The following ATG4B variants were observed in gnomAD, a reference collection of about 807,000 sequenced individuals.
ATG4B encodes the protein cysteine protease ATG4B.
A neutral mutation model predicts 56.6 loss-of-function variants in ATG4B; 29 were observed. The observed-to-expected ratio is 0.51, with a 90% CI of 0.38 to 0.70. The LOEUF (loss-of-function observed/expected upper bound fraction) is 0.70, where lower values mean the gene tolerates loss of function less well. ATG4B is among the 30% of genes least tolerant of loss of function. The pLI, the probability that ATG4B is intolerant of heterozygous loss-of-function variation, is 0.00. For synonymous variants in ATG4B, 224 were observed against 206.1 expected, an observed-to-expected ratio of 1.09 and a Z score of -0.74; for missense variants, 461 against 515.5, an observed-to-expected ratio of 0.89 and a Z score of 1.02.
chr2:241,651,426 C>G lies in ATG4B; in HGVS notation c.184+91C>G, dbSNP rs1418278097. 3.0e-6 allele frequency: 3 copies of G among 987,406 alleles called. No individual in the cohort carries two copies. The highest frequency in any genetic ancestry group is 1.6e-5 in the African/African-American group (1 of 61,246). The allele number at this position is 987,406 out of a possible 1,614,324, so 61.2% of individuals were successfully genotyped here. A position where few individuals can be genotyped will look rare whatever the true frequency, so the allele number is the denominator to read the frequency against. On this transcript the variant is annotated intron_variant, in intron 3 of 12. Coordinates refer to ENST00000404914, the MANE Select transcript of ATG4B (RefSeq NM_013325.5). The surrounding 1 kb of genome is among the most constrained non-coding windows in gnomAD (Gnocchi z 4.1). ...TTGTAGATTTGACTTCAATATGCCA[C>G]TGACTTCATTTGAATCTTCACAGCA...
chr2:241,671,307 A>G lies in ATG4B; in HGVS notation c.1015-5A>G, dbSNP rs775301424. Reference sequence around the variant, plus strand: ...CTGCACCTAACGGCCATGTCTCACTAACAGCTGTCTCTGCTTGGAGGTGCC... The same window carrying G: ...CTGCACCTAACGGCCATGTCTCACTGACAGCTGTCTCTGCTTGGAGGTGCC... On this transcript the variant is annotated splice_region_variant and splice_polypyrimidine_tract_variant and intron_variant, in intron 11 of 12. Coordinates refer to ENST00000404914, the MANE Select transcript of ATG4B (RefSeq NM_013325.5). 6.2e-7 allele frequency: 1 copy of G among 1,611,598 alleles called. No individual in the cohort carries two copies.
intron 3 of ATG4B, among the ~76,000 whole-genome samples, chr2:241,652,838 C>T (rs1472612422): frequency 6.6e-6 from 1 of 152,234 alleles, no homozygotes; most frequent in African/African-American, 2.4e-5. Flanking sequence ...ACAGGGCGAA[C>T]CTTGTGGTCT....
At chr2:241,639,115 G>A (rs1456617535) in intron 1 of ATG4B, among the ~76,000 whole-genome samples, 1 of 152,210 alleles carries the variant, frequency 6.6e-6, no homozygotes, top group Non-Finnish European at 1.5e-5. Flanking sequence ...AGCCCCTGGC[G>A]GGAGTGGGTG....
At chr2:241,653,368 A>C (rs1234894693) in intron 3 of ATG4B, 144 bp from the exon 4 acceptor site, 4 of 1,550,210 alleles carry the variant, frequency 2.6e-6, no homozygotes, top group Non-Finnish European at 3.5e-6. Flanking sequence ...GAGTCCTAAG[A>C]GGTGTGTGTT....
Position 241,672,520 on chromosome 2 carries a change from G to A in ATG4B, c.*256G>A, listed in dbSNP as rs565172838. The A allele has an allele frequency of 1.2e-4, 63 of 518,766 alleles. No individual in the cohort carries two copies. The highest frequency in any genetic ancestry group is 1.1e-3 in the African/African-American group (57 of 52,406). The allele number at this position is 518,766 out of a possible 1,614,324, so 32.1% of individuals were successfully genotyped here. ...GCCGTCTGTTAGGAGCTTCCAGAGTGTTCTCTCGACACTGCCAGCCCCGTG... is the reference window on the plus strand; with the variant it reads ...GCCGTCTGTTAGGAGCTTCCAGAGTATTCTCTCGACACTGCCAGCCCCGTG... On this transcript the variant is annotated 3_prime_UTR_variant, in exon 13 of 13. Transcript: ENST00000404914.
In ATG4B at chr2:241,655,297, T is replaced by C. The variant is rs2068362997; in HGVS notation, c.412T>C (p.Ser138Pro). Reference sequence around the variant, plus strand: ...GCAAATGGGAGTTGGCGAAGGCAAGTCCATAGGCCAGTGGTACGGGCCCAA... The same window carrying C: ...GCAAATGGGAGTTGGCGAAGGCAAGCCCATAGGCCAGTGGTACGGGCCCAA... ...IAQMGVGEGKSIGQWYGPNTV... is the reference protein window; with the variant it reads ...IAQMGVGEGKPIGQWYGPNTV... The change falls in exon 6 of 13, where the codon TCC becomes CCC. Residue 138 changes from serine to proline, a missense_variant. Coordinates refer to ENST00000404914, the MANE Select transcript of ATG4B (RefSeq NM_013325.5). The C allele has an allele frequency of 5.6e-6, 9 of 1,612,310 alleles. No homozygotes were observed. The East Asian group carries it at 8.9e-5, about 16-fold the overall frequency.
At chr2:241,654,758 G>A in intron 5 of ATG4B, 111 bp downstream of exon 5, 1 of 793,430 alleles carries the variant, frequency 1.3e-6, no homozygotes, top group Non-Finnish European at 2.1e-6. Flanking sequence ...GCAGGAGGCT[G>A]TAAACCTGTA....
intron 5 of ATG4B, chr2:241,654,865 C>T: frequency 1.7e-6 from 1 of 586,356 alleles, no homozygotes; most frequent in South Asian, 2.1e-5. Flanking sequence ...CTGGGCCTTG[C>T]CCTTCCTGCT....
intron 8 of ATG4B, among the ~76,000 whole-genome samples, chr2:241,667,124 C>T (rs561697882): frequency 1.2e-4 from 18 of 152,258 alleles, no homozygotes; most frequent in South Asian, 6.2e-4. Context: ...CTCGGCCTGA[C>T]GGGGAGCCCC....
At chr2:241,657,229 C>T (rs1259050882) in intron 6 of ATG4B, among the ~76,000 whole-genome samples, 1 of 150,170 alleles carries the variant, frequency 6.7e-6, no homozygotes, top group African/African-American at 2.5e-5. Context: ...CCTGCCTTCG[C>T]CTCCCAGAGT....
chr2:241,664,098 G>A (rs1328876805), intron 7 of ATG4B, among the ~76,000 whole-genome samples: 3 of 152,020 alleles, frequency 2.0e-5, no homozygotes, highest in African/African-American at 4.8e-5. Context: ...GATTACAGGC[G>A]TGAGCCACCG....
rs774170389 is a variant in ATG4B at position 241,666,696 on chromosome 2, C to T, written c.590C>T (p.Ala197Val). ...TGTGCAGGCGCCACTGCGTTTCCTG[C>T]AGATTCCGACCGGCACTGCAACGGA... The part of the protein sequence containing the change: ...VPCAGATAFP[A>V]DSDRHCNGFP... The change falls in exon 8 of 13, where the codon GCA (alanine) becomes GTA (valine). Residue 197 changes from alanine (A) to valine (V), a missense_variant. By Grantham distance (64) the Ala-to-Val change is moderately conservative (BLOSUM62 0). Coordinates refer to ENST00000404914, the MANE Select transcript of ATG4B (RefSeq NM_013325.5). 6.2e-7 allele frequency: 1 copy of T among 1,613,308 alleles called. No homozygotes were observed.
Position 241,659,364 on chromosome 2 carries a change from C to T in ATG4B, c.538+177C>T, listed in dbSNP as rs556676716. ...TGCACGGTGGCCTCGCTCTCCTATC[C>T]CGGCGGTCATACCAAGAGAGGAGAG... On this transcript the variant is annotated intron_variant, in intron 7 of 12. Transcript: ENST00000404914. 1,209 of 685,926 alleles carry T rather than the reference C, an allele frequency of 1.8e-3. 16 individuals carry two copies. In the African/African-American group the frequency reaches 0.02, roughly 11 times the overall value. The allele number at this position is 685,926 out of a possible 1,614,324, so 42.5% of individuals were successfully genotyped here.
At position 241,651,062 on chromosome 2, in the gene ATG4B, G is replaced by C. The variant is rs373558820; in HGVS notation, c.63G>C (p.Glu21Asp). The change falls in exon 2 of 13, where the codon GAG becomes GAC. Residue 21 changes from glutamate to aspartate, a missense_variant. Physicochemically the swap from Glu to Asp is conservative, Grantham distance 45. Transcript: ENST00000404914. This position sits in a 1 kb window ranked among gnomAD's most constrained non-coding sequence, Gnocchi z 4.1. ...LRFAEFEDFP[E>D]TSEPVWILGR... Reference sequence around the variant, plus strand: ...TTGCTGAGTTTGAAGATTTTCCTGAGACCTCAGAGCCCGTTTGGATACTGG... The same window carrying C: ...TTGCTGAGTTTGAAGATTTTCCTGACACCTCAGAGCCCGTTTGGATACTGG... 20 of 1,613,812 alleles carry C rather than the reference G, an allele frequency of 1.2e-5. No individual in the cohort carries two copies. In the African/African-American group the frequency reaches 2.1e-4, roughly 17 times the overall value.
At chr2:241,671,537 C>T (rs1283231327) in intron 12 of ATG4B, 132 bp downstream of exon 12, 6 of 1,541,124 alleles carry the variant, frequency 3.9e-6, no homozygotes, top group East Asian at 2.5e-5. Context: ...GGCAGTGGTT[C>T]GCCTGTGAGA....
chr2:241,671,014 A>G (rs928574514), intron 11 of ATG4B, among the ~76,000 whole-genome samples: 1 of 152,174 alleles, frequency 6.6e-6, no homozygotes, highest in African/African-American at 2.4e-5. Flanking sequence ...TGACTTTAGA[A>G]TGGGATTTCC....
chr2:241,666,928 T>C, intron 8 of ATG4B, 90 bp downstream of exon 8: 2 of 1,430,954 alleles, frequency 1.4e-6, no homozygotes, highest in Middle Eastern at 2.5e-4. Flanking sequence ...CACGTGGCCA[T>C]TTGTGCAGCC....
chr2:241,652,465 A>T (rs1011935739), intron 3 of ATG4B, among the ~76,000 whole-genome samples: 2 of 152,254 alleles, frequency 1.3e-5, no homozygotes, highest in Non-Finnish European at 2.9e-5. Context: ...GCCCTGTCGC[A>T]GTTCTGAAGG....
rs766495677 is a variant in ATG4B, at chr2:241,654,573, A to G, written c.311A>G (p.Gln104Arg). 6.2e-7 allele frequency: 1 copy of G among 1,600,652 alleles called. No individual in the cohort carries two copies. The highest frequency in any genetic ancestry group is 8.5e-7 in the Non-Finnish European group (1 of 1,173,528). Residue 104 changes from glutamine to arginine, a missense_variant, in exon 5 of 13, where the codon CAG (glutamine) becomes CGG (arginine). Physicochemically the swap from Gln to Arg is conservative, Grantham distance 43. Coordinates refer to ENST00000404914, the MANE Select transcript of ATG4B (RefSeq NM_013325.5). Reference sequence around the variant, plus strand: ...TGGAGGTGGACACAAAGGAAGAGGCAGCCAGACAGCTACTTCAGCGTCCTC... The same window carrying G: ...TGGAGGTGGACACAAAGGAAGAGGCGGCCAGACAGCTACTTCAGCGTCCTC... ...RDWRWTQRKR[Q>R]PDSYFSVLNA...
Sources: allele counts gnomAD v4.1 joint callset (sites outside exome capture counted in the v4.1 genomes callset), GRCh38; gene constraint gnomAD v4.1.1; non-coding constraint Gnocchi (gnomAD v3.1); transcripts MANE v1.5; gene names NCBI Gene and HGNC (gene_info 2026-07-23, HGNC 2026-07-21).